The following FAT3 variants were observed in gnomAD, a reference collection of about 807,000 sequenced individuals.
The protein encoded by FAT3 is protocadherin Fat 3.
In FAT3, 95 loss-of-function variants were observed where a neutral mutation model predicts 310.2. That is an observed-to-expected ratio of 0.31 (90% CI 0.26 to 0.36). FAT3 has a LOEUF of 0.36. FAT3 is among the 10% of genes least tolerant of loss of function. The pLI, the probability that FAT3 is intolerant of heterozygous loss-of-function variation, is 1.00. For synonymous variants in FAT3, 2,314 were observed against 2,192.9 expected (o/e 1.06, Z -1.54); for missense variants, 5,408 against 5,715.6 (o/e 0.95, Z 1.74).
intron 2 of FAT3, among the ~76,000 whole-genome samples, chr11:92,383,479 A>T (rs944560578): frequency 2.0e-5 from 3 of 152,202 alleles, no homozygotes; most frequent in Non-Finnish European, 4.4e-5. Context: ...TTTGTCCCAC[A>T]GTGTATTTGT....
intron 3 of FAT3, among the ~76,000 whole-genome samples, chr11:92,655,147 A>G (rs1339935679): frequency 6.6e-6 from 1 of 152,080 alleles, no homozygotes; most frequent in Non-Finnish European, 1.5e-5. Flanking sequence ...TATTCACCCA[A>G]CATGTATTAG....
chr11:92,702,120 T>C (rs1715435438), intron 4 of FAT3, among the ~76,000 whole-genome samples: 3 of 152,266 alleles, frequency 2.0e-5, no homozygotes, highest in South Asian at 4.1e-4. Context: ...ATTCCTACCA[T>C]AGGGTTGGTA....
At chr11:92,338,004 A>G (rs1158423279) in intron 1 of FAT3, among the ~76,000 whole-genome samples, 1 of 152,186 alleles carries the variant, frequency 6.6e-6, no homozygotes, top group African/African-American at 2.4e-5. Flanking sequence ...CATGTTAAAC[A>G]CAACAATAGA....
intron 3 of FAT3, among the ~76,000 whole-genome samples, chr11:92,637,509 TG>T (rs1347331750): frequency 6.6e-6 from 1 of 152,226 alleles, no homozygotes; most frequent in Non-Finnish European, 1.5e-5. Flanking sequence ...TTCCAAAGAA[TG>T]GCAATAACTG....
At chr11:92,268,969 T>A (rs925361826) in intron 1 of FAT3, among the ~76,000 whole-genome samples, 2 of 152,254 alleles carry the variant, frequency 1.3e-5, no homozygotes, top group African/African-American at 2.4e-5. Flanking sequence ...TGGGAAAAAA[T>A]TTAAAATGGA....
At chr11:92,283,926 T>C (rs1946496872) in intron 1 of FAT3, among the ~76,000 whole-genome samples, 1 of 152,166 alleles carries the variant, frequency 6.6e-6, no homozygotes, top group South Asian at 2.1e-4. Flanking sequence ...TTGTATCTTT[T>C]GTGTCTTGGG....
At chr11:92,412,545 C>T (rs1320995514) in intron 2 of FAT3, among the ~76,000 whole-genome samples, 1 of 147,512 alleles carries the variant, frequency 6.8e-6, no homozygotes, top group Non-Finnish European at 1.5e-5. Flanking sequence ...TAGGTACCAA[C>T]CATTGTCTGG....
intron 7 of FAT3, among the ~76,000 whole-genome samples, chr11:92,779,189 A>G (rs554790884): frequency 2.0e-5 from 3 of 152,288 alleles, no homozygotes; most frequent in Non-Finnish European, 4.4e-5. Context: ...CATAAGGAGC[A>G]GGAATAATGA....
intron 13 of FAT3, among the ~76,000 whole-genome samples, chr11:92,829,013 C>T (rs377740440): frequency 1.3e-5 from 2 of 152,220 alleles, no homozygotes; most frequent in African/African-American, 4.8e-5. Context: ...TACCTCTCCT[C>T]ACTCATCTGT....
intron 3 of FAT3, among the ~76,000 whole-genome samples, chr11:92,686,694 GGTTTTTAAAATTGA>G: frequency 6.6e-6 from 1 of 152,036 alleles, no homozygotes; most frequent in East Asian, 1.9e-4. Context: ...ATTTTTTCCA[GGTTTTTAAAATTGA>G]GTTTCAAAAC....
At chr11:92,351,204 C>G (rs1366525005) in intron 1 of FAT3, among the ~76,000 whole-genome samples, 2 of 152,186 alleles carry the variant, frequency 1.3e-5, no homozygotes, top group Non-Finnish European at 2.9e-5. Flanking sequence ...AGTCATATAA[C>G]TCCTTAGGGA....
In FAT3 at chr11:92,809,996, A is replaced by G; in HGVS notation, c.9401A>G (p.Asp3134Gly). 1 of 1,613,884 alleles carries G rather than the reference A, an allele frequency of 6.2e-7. No homozygotes were observed. Among genetic ancestry groups the G allele is most frequent in the Middle Eastern group, 1.6e-4 (1 of 6,062 alleles). The change falls in exon 13 of 28, where the codon GAC becomes GGC. Residue 3134 changes from aspartate to glycine, a missense_variant. Transcript: ENST00000525166. ...VNDNPPVFSSDHYNTCVYENT... is the reference protein window; with the variant it reads ...VNDNPPVFSSGHYNTCVYENT... Reference sequence around the variant, plus strand: ...GATAACCCCCCTGTGTTTTCTTCTGACCACTACAACACCTGTGTCTATGAG... The same window carrying G: ...GATAACCCCCCTGTGTTTTCTTCTGGCCACTACAACACCTGTGTCTATGAG...
At chr11:92,877,855 C>A (rs1031756389) in intron 22 of FAT3, among the ~76,000 whole-genome samples, 5 of 152,168 alleles carry the variant, frequency 3.3e-5, no homozygotes, top group African/African-American at 9.7e-5. Context: ...GGTTACATCT[C>A]AATAAACTCA....
chr11:92,265,868 G>T (rs115573586), intron 1 of FAT3, among the ~76,000 whole-genome samples: 3 of 151,954 alleles, frequency 2.0e-5, no homozygotes, highest in Admixed American at 6.6e-5. Flanking sequence ...GTACCACCTT[G>T]GGGTTAGATT....
chr11:92,576,538 A>G (rs1938494672), intron 3 of FAT3, among the ~76,000 whole-genome samples: 2 of 152,128 alleles, frequency 1.3e-5, no homozygotes, highest in Non-Finnish European at 2.9e-5. Flanking sequence ...CATTTGGATA[A>G]TCGATTCAAA....
At chr11:92,242,765 A>G (rs1864718762) in intron 1 of FAT3, among the ~76,000 whole-genome samples, 1 of 152,054 alleles carries the variant, frequency 6.6e-6, no homozygotes, top group Admixed American at 6.6e-5. Flanking sequence ...TGGAAATAGG[A>G]CTTATATTCA....
chr11:92,736,658 T>C (rs2136014259), intron 4 of FAT3, among the ~76,000 whole-genome samples: 1 of 152,340 alleles, frequency 6.6e-6, no homozygotes, highest in East Asian at 1.9e-4. Flanking sequence ...CAGAAAGTTC[T>C]CAGGCTTCAT....
intron 19 of FAT3, 83 bp from the exon 20 acceptor site, chr11:92,857,131 C>A (rs1323841794): frequency 6.3e-7 from 1 of 1,598,670 alleles, no homozygotes; most frequent in African/African-American, 1.3e-5. Flanking sequence ...TTTGTGTGTT[C>A]CCTTTGAACC....
intron 2 of FAT3, among the ~76,000 whole-genome samples, chr11:92,369,474 G>C (rs16917437): frequency 0.11 from 16,598 of 152,154 alleles, 947 homozygotes; most frequent in South Asian, 0.16. Flanking sequence ...CATAGACCAA[G>C]TTTGTATGTG....
Sources: gnomAD v4.1 joint callset for allele counts (sites outside exome capture counted in the v4.1 genomes callset) on GRCh38, gnomAD v4.1.1 for gene constraint, MANE v1.5 for transcripts, NCBI Gene and HGNC (gene_info 2026-07-23, HGNC 2026-07-21) for gene names.